Variants in SHB observed in about 807,000 individuals in gnomAD.
SHB encodes the protein SH2 domain containing adaptor protein B.
SHB carries 20 observed loss-of-function variants against 52.3 expected under a neutral mutation model. The ratio of observed to expected loss-of-function variants is 0.38; its 90% confidence interval spans 0.27 to 0.56. The LOEUF (loss-of-function observed/expected upper bound fraction) is 0.56. SHB is among the 20% of genes least tolerant of loss of function. The probability of loss-of-function intolerance (pLI) is 0.71; values close to 1 mark genes in which losing one functional copy is unlikely to be tolerated. For synonymous variants in SHB, 397 were observed against 316.5 expected, an observed-to-expected ratio of 1.25 and a Z score of -2.70; for missense variants, 825 against 723.3, an observed-to-expected ratio of 1.14 and a Z score of -1.61.
At chr9:38,058,589 C>T (rs1459940719) in intron 1 of SHB, among the ~76,000 whole-genome samples, 2 of 152,198 alleles carry the variant, frequency 1.3e-5, no homozygotes, top group Non-Finnish European at 2.9e-5. Flanking sequence ...GCGTGGCTGG[C>T]TTCTCTGCTC....
At chr9:38,045,929 G>A (rs773423465) in intron 1 of SHB, among the ~76,000 whole-genome samples, 2 of 152,110 alleles carry the variant, frequency 1.3e-5, no homozygotes, top group Non-Finnish European at 2.9e-5. Flanking sequence ...CATGGGTCAT[G>A]ATTATGAAAA....
chr9:38,006,376 C>A (rs1298422487), intron 2 of SHB, among the ~76,000 whole-genome samples: 1 of 152,180 alleles, frequency 6.6e-6, no homozygotes, highest in Non-Finnish European at 1.5e-5. Context: ...TGGGTTTCCG[C>A]AAGGTTTCCA....
intron 5 of SHB, among the ~76,000 whole-genome samples, chr9:37,939,289 G>A (rs1832410465): frequency 6.6e-6 from 1 of 152,258 alleles, no homozygotes; most frequent in Non-Finnish European, 1.5e-5. Context: ...AAATGGCTGA[G>A]AAGGGTCAGG....
At chr9:37,983,301 G>A (rs1587228303) in intron 2 of SHB, among the ~76,000 whole-genome samples, 1 of 152,208 alleles carries the variant, frequency 6.6e-6, no homozygotes, top group African/African-American at 2.4e-5. Flanking sequence ...AAGAACCAAG[G>A]CAGAGGCCCA....
At chr9:38,034,707 G>T (rs562394112) in intron 1 of SHB, among the ~76,000 whole-genome samples, 1 of 152,318 alleles carries the variant, frequency 6.6e-6, no homozygotes, top group African/African-American at 2.4e-5. Context: ...TCATTTGTTT[G>T]TTTTATTGAG....
In SHB at chr9:38,014,159, GC is replaced by G. The variant is rs1280852478; in HGVS notation, c.838+1851del. Among the ~76,000 whole-genome samples, 3 of 148,876 alleles carry G rather than the reference GC, an allele frequency of 2.0e-5. No individual in the cohort carries two copies. In the East Asian group the frequency reaches 5.9e-4, roughly 29 times the overall value. ...CCTCAAGCAAGTCTCTGTCCCCCCC[GC>G]CCCAACCTCAGTTTCCCAATCTGTA... On this transcript the variant is annotated intron_variant, in intron 2 of 5. Transcript: ENST00000377707.
At chr9:37,931,614 A>T (rs973857012) in intron 5 of SHB, among the ~76,000 whole-genome samples, 1 of 152,274 alleles carries the variant, frequency 6.6e-6, no homozygotes, top group African/African-American at 2.4e-5. Flanking sequence ...GGATGCGGAA[A>T]AAAGGAAACT....
intron 3 of SHB, among the ~76,000 whole-genome samples, chr9:37,973,405 TAG>T (rs1820613886): frequency 6.6e-6 from 1 of 152,138 alleles, no homozygotes; most frequent in African/African-American, 2.4e-5. Context: ...GTATTTTTAG[TAG>T]AGATAGGGTT....
chr9:37,970,013 G>C (rs991679035), intron 3 of SHB, among the ~76,000 whole-genome samples: 2 of 152,230 alleles, frequency 1.3e-5, no homozygotes, highest in Non-Finnish European at 2.9e-5. Context: ...GCCTGCTCTG[G>C]AAGGCTGGTG....
At chr9:38,062,171 A>G (rs1338525688) in intron 1 of SHB, among the ~76,000 whole-genome samples, 1 of 152,210 alleles carries the variant, frequency 6.6e-6, no homozygotes, top group African/African-American at 2.4e-5. Flanking sequence ...ACTTATTTCC[A>G]TTGAAACCAC....
At chr9:38,017,003 C>T (rs1442899130) in intron 1 of SHB, among the ~76,000 whole-genome samples, 2 of 152,224 alleles carry the variant, frequency 1.3e-5, no homozygotes, top group Admixed American at 1.3e-4. Context: ...GATTCTAACA[C>T]TTCAGAGACC....
chr9:37,936,949 T>C (rs908353705), intron 5 of SHB, among the ~76,000 whole-genome samples: 3 of 152,216 alleles, frequency 2.0e-5, no homozygotes, highest in African/African-American at 7.2e-5. Context: ...GTTGCTTAAA[T>C]GTCCTGTTGC....
chr9:37,985,270 C>G (rs1055104635), intron 2 of SHB, among the ~76,000 whole-genome samples: 6 of 152,236 alleles, frequency 3.9e-5, no homozygotes, highest in Non-Finnish European at 7.3e-5. Flanking sequence ...TGGGTTTGCT[C>G]CCTTCCCTTG....
chr9:37,975,800 A>T (rs1820646141), intron 2 of SHB, among the ~76,000 whole-genome samples: 1 of 152,162 alleles, frequency 6.6e-6, no homozygotes, highest in Non-Finnish European at 1.5e-5. Context: ...ATGTGCCTAA[A>T]TTACCATCAT....
chr9:37,962,434 G>C (rs1241135715), intron 3 of SHB, among the ~76,000 whole-genome samples: 1 of 152,066 alleles, frequency 6.6e-6, no homozygotes, highest in African/African-American at 2.4e-5. Context: ...CCATTCATCA[G>C]TCAACAAAGG....
At chr9:37,951,145 G>A (rs1463388680) in intron 4 of SHB, among the ~76,000 whole-genome samples, 2 of 152,244 alleles carry the variant, frequency 1.3e-5, no homozygotes, top group African/African-American at 2.4e-5. Flanking sequence ...AAGGACTGGA[G>A]AGTAAATGTG....
rs1398546101 is a variant in SHB, at chr9:37,916,143, GGTGCGCCCACATCTAAGACT to G, written c.*3658_*3677del. 6.6e-6 allele frequency among the ~76,000 whole-genome samples: 1 copy of G among 152,224 alleles called. No homozygotes were observed. The highest frequency in any genetic ancestry group is 6.5e-5 in the Admixed American group (1 of 15,292). On this transcript the variant is annotated 3_prime_UTR_variant, in exon 6 of 6. Coordinates refer to ENST00000377707, the MANE Select transcript of SHB (RefSeq NM_003028.3). Reference sequence around the variant, plus strand: ...AACAAGTCCCCGTGGGGTTCTGGGAGGTGCGCCCACATCTAAGACTGTGCGCCCTGCACTCCCTCTGGATG... The same window carrying G: ...AACAAGTCCCCGTGGGGTTCTGGGAGGTGCGCCCTGCACTCCCTCTGGATG...
At chr9:37,967,101 C>T (rs376343373) in intron 3 of SHB, among the ~76,000 whole-genome samples, 1 of 152,182 alleles carries the variant, frequency 6.6e-6, no homozygotes. Context: ...AAGCTGCTCA[C>T]CCTCTCTGAG....
At chr9:38,003,415 C>T (rs1224219909) in intron 2 of SHB, among the ~76,000 whole-genome samples, 2 of 152,026 alleles carry the variant, frequency 1.3e-5, no homozygotes, top group Non-Finnish European at 2.9e-5. Context: ...ACATCCACCC[C>T]TAACCAAGCA....
Sources: gnomAD v4.1 joint callset for allele counts (sites outside exome capture counted in the v4.1 genomes callset) on GRCh38, gnomAD v4.1.1 for gene constraint, MANE v1.5 for transcripts, NCBI Gene and HGNC (gene_info 2026-07-23, HGNC 2026-07-21) for gene names.